Variants in CNTN5 observed in about 807,000 individuals in gnomAD.
The protein encoded by CNTN5 is contactin-5.
A neutral mutation model predicts 129.1 loss-of-function variants in CNTN5; 77 were observed. The observed-to-expected ratio is 0.60, with a 90% confidence interval of 0.50 to 0.72. CNTN5 has a LOEUF of 0.72. CNTN5 is among the 30% of genes least tolerant of loss of function. The pLI is 0.00. For missense variants in CNTN5, 1,478 were observed against 1,328.8 expected, an observed-to-expected ratio of 1.11 and a Z score of -1.75; for synonymous variants, 509 against 465.6, an observed-to-expected ratio of 1.09 and a Z score of -1.20.
At chr11:100,196,414 C>T (rs978826438) in intron 15 of CNTN5, among the ~76,000 whole-genome samples, 1 of 151,968 alleles carries the variant, frequency 6.6e-6, no homozygotes, top group Non-Finnish European at 1.5e-5. Context: ...TATACACAGA[C>T]ATTAGCTTGC....
At chr11:100,136,505 A>G (rs1452558305) in intron 13 of CNTN5, among the ~76,000 whole-genome samples, 1 of 152,102 alleles carries the variant, frequency 6.6e-6, no homozygotes, top group African/African-American at 2.4e-5. Context: ...GACCTATTTT[A>G]TGCTTATGTT....
At chr11:99,843,011 A>T (rs952710195) in intron 4 of CNTN5, among the ~76,000 whole-genome samples, 30 of 152,154 alleles carry the variant, frequency 2.0e-4, no homozygotes, top group African/African-American at 7.2e-4. Flanking sequence ...CGGGCGGATT[A>T]CTTGAGGTTA....
chr11:99,704,195 A>G (rs1350326645), intron 3 of CNTN5, among the ~76,000 whole-genome samples: 1 of 150,808 alleles, frequency 6.6e-6, no homozygotes. Flanking sequence ...CAACATTTCC[A>G]GAAGAGTCAA....
At chr11:100,163,183 C>T (rs2138372096) in intron 13 of CNTN5, among the ~76,000 whole-genome samples, 1 of 151,844 alleles carries the variant, frequency 6.6e-6, no homozygotes, top group South Asian at 2.1e-4. Context: ...CCTTTGTTAA[C>T]ATTCATTTGG....
intron 3 of CNTN5, among the ~76,000 whole-genome samples, chr11:99,666,662 G>A (rs1952803798): frequency 6.6e-6 from 1 of 152,144 alleles, no homozygotes; most frequent in South Asian, 2.1e-4. Flanking sequence ...AGCCGCAATG[G>A]CATGGATGTG....
chr11:100,079,138 C>T (rs1367838701), intron 13 of CNTN5, among the ~76,000 whole-genome samples: 1 of 152,122 alleles, frequency 6.6e-6, no homozygotes, highest in South Asian at 2.1e-4. Flanking sequence ...TCAGTTACCT[C>T]TACCTGATCT....
chr11:99,212,522 T>G (rs1859856400), intron 1 of CNTN5, among the ~76,000 whole-genome samples: 1 of 152,184 alleles, frequency 6.6e-6, no homozygotes, highest in Admixed American at 6.5e-5. Flanking sequence ...TATTATATTC[T>G]ACTTCTTTTA....
At chr11:99,980,775 T>C (rs1938280344) in intron 8 of CNTN5, among the ~76,000 whole-genome samples, 1 of 152,016 alleles carries the variant, frequency 6.6e-6, no homozygotes, top group Admixed American at 6.6e-5. Context: ...CTGATTAATT[T>C]AGTCCTCTTA....
intron 18 of CNTN5, among the ~76,000 whole-genome samples, chr11:100,296,064 G>A (rs1366252030): frequency 1.3e-5 from 2 of 151,448 alleles, no homozygotes; most frequent in African/African-American, 4.8e-5. Context: ...TCTGAGATTA[G>A]CAAAAAAGGC....
intron 13 of CNTN5, among the ~76,000 whole-genome samples, chr11:100,103,280 T>C (rs1945290951): frequency 6.6e-6 from 1 of 152,172 alleles, no homozygotes; most frequent in Non-Finnish European, 1.5e-5. Context: ...CAAGATAATA[T>C]TTTTATTGAC....
intron 13 of CNTN5, among the ~76,000 whole-genome samples, chr11:100,141,087 G>A (rs1420033447): frequency 6.6e-6 from 1 of 152,108 alleles, no homozygotes; most frequent in African/African-American, 2.4e-5. Context: ...TTGCAAATAT[G>A]ACAGTATGGT....
chr11:99,672,671 A>G (rs909236809), intron 3 of CNTN5, among the ~76,000 whole-genome samples: 1 of 149,720 alleles, frequency 6.7e-6, no homozygotes. Context: ...ACTCTCTCCA[A>G]TTTTCTCTCT....
At chr11:99,694,951 C>T (rs1954206391) in intron 3 of CNTN5, among the ~76,000 whole-genome samples, 1 of 152,020 alleles carries the variant, frequency 6.6e-6, no homozygotes, top group East Asian at 1.9e-4. Context: ...TTTCCAAGGC[C>T]CCATAATTTT....
At chr11:100,030,350 G>C (rs1280441552) in intron 9 of CNTN5, among the ~76,000 whole-genome samples, 1 of 152,194 alleles carries the variant, frequency 6.6e-6, no homozygotes, top group African/African-American at 2.4e-5. Flanking sequence ...ACTGCAGCCT[G>C]GGCAGCAGAG....
At chr11:100,205,148 A>G (rs189409349) in intron 15 of CNTN5, among the ~76,000 whole-genome samples, 1 of 152,120 alleles carries the variant, frequency 6.6e-6, no homozygotes, top group Non-Finnish European at 1.5e-5. Context: ...TTATTTCTCA[A>G]AGTGATTTTC....
In CNTN5 at chr11:99,642,035, T is replaced by A. The variant is rs1951790092; in HGVS notation, c.55+85766T>A. ...GCCAAAGATTGAGATGAAACCCACA[T>A]TAGATCTTCAAGCATCCTTTTCTGG... On this transcript the variant is annotated intron_variant, in intron 3 of 24. Transcript: ENST00000524871. 2.0e-5 allele frequency among the ~76,000 whole-genome samples: 3 copies of A among 152,134 alleles called. 1 individual carries two copies. In the South Asian group the frequency reaches 6.2e-4, roughly 32 times the overall value.
intron 7 of CNTN5, among the ~76,000 whole-genome samples, chr11:99,943,268 G>C (rs1215209800): frequency 6.6e-6 from 1 of 152,018 alleles, no homozygotes; most frequent in Admixed American, 6.6e-5. Flanking sequence ...GTTTTGATTT[G>C]CCCTTGTCTG....
chr11:99,314,211 C>G (rs1865238937), intron 1 of CNTN5, among the ~76,000 whole-genome samples: 1 of 151,920 alleles, frequency 6.6e-6, no homozygotes, highest in Admixed American at 6.6e-5. Context: ...TGTAAATTTG[C>G]TGAACAATAA....
chr11:100,271,390 A>T lies in CNTN5; in HGVS notation c.2314+149A>T, dbSNP rs556134175. The T allele has an allele frequency of 9.4e-5, 47 of 501,716 alleles. 1 individual carries two copies. The South Asian group carries it at 2.3e-3, about 25-fold the overall frequency. The allele number at this position is 501,716 out of a possible 1,614,324, so 31.1% of individuals were successfully genotyped here. On this transcript the variant is annotated intron_variant, in intron 18 of 24. Transcript: ENST00000524871. ...ACATCATAAAATTATTTTCTTTAAAATAATTATTTCATTTTATTTGTTCTC... is the reference window on the plus strand; with the variant it reads ...ACATCATAAAATTATTTTCTTTAAATTAATTATTTCATTTTATTTGTTCTC...
Sources: allele counts gnomAD v4.1 joint callset (sites outside exome capture counted in the v4.1 genomes callset), GRCh38; gene constraint gnomAD v4.1.1; transcripts MANE v1.5; gene names NCBI Gene and HGNC (gene_info 2026-07-23, HGNC 2026-07-21).